The following SH3BP4 variants were observed in gnomAD, a reference collection of about 807,000 sequenced individuals.
The protein encoded by SH3BP4 is SH3 domain-binding protein 4.
SH3BP4 carries 33 observed loss-of-function variants against 65.5 expected under a neutral mutation model. The observed-to-expected ratio is 0.50, with a 90% CI of 0.38 to 0.67. The LOEUF is 0.67. Ranked by LOEUF, SH3BP4 falls within the 30% of genes least tolerant of loss-of-function variation. The pLI is 0.00. For synonymous variants in SH3BP4, 552 were observed against 545.5 expected (o/e 1.01, Z -0.17); for missense variants, 1,134 against 1,261.4 (o/e 0.90, Z 1.53).
At chr2:234,985,953 T>C (rs184710468) in intron 1 of SH3BP4, among the ~76,000 whole-genome samples, 115 of 135,698 alleles carry the variant, frequency 8.5e-4, no homozygotes, top group African/African-American at 3.2e-3. Context: ...GCCCTTGATA[T>C]ACATCTATGA....
Position 235,004,161 on chromosome 2 carries a change from C to G in SH3BP4, c.-133+8785C>G, listed in dbSNP as rs1694218040. On this transcript the variant is annotated intron_variant, in intron 2 of 5. Coordinates refer to ENST00000392011, the MANE Select transcript of SH3BP4 (RefSeq NM_014521.3). Reference sequence around the variant, plus strand: ...ATGCTTTAGTAGTTATTTCTCATAACAAAAATATGCTCTCAGTGTCACAGT... The same window carrying G: ...ATGCTTTAGTAGTTATTTCTCATAAGAAAAATATGCTCTCAGTGTCACAGT... Among the ~76,000 whole-genome samples, 3 of 152,142 alleles carry G rather than the reference C, an allele frequency of 2.0e-5. No individual in the cohort carries two copies. The South Asian group carries it at 6.2e-4, about 32-fold the overall frequency.
rs1696164961 is a variant in SH3BP4 at position 235,054,458 on chromosome 2, A to G, written c.*642A>G. 1 of 152,428 alleles carries G rather than the reference A, an allele frequency of 6.6e-6. No individual in the cohort carries two copies. The highest frequency in any genetic ancestry group is 2.1e-4 in the South Asian group (1 of 4,836). The allele number at this position is 152,428 out of a possible 1,614,324, so 9.4% of individuals were successfully genotyped here. On this transcript the variant is annotated 3_prime_UTR_variant, in exon 6 of 6. Coordinates refer to ENST00000392011, the MANE Select transcript of SH3BP4 (RefSeq NM_014521.3). ...GTCTTCCGTGCTTTGCCTCACTCGT[A>G]GTAAATGACCATCCATAGAATATGT...
At chr2:234,960,626 A>G (rs866612314) in intron 1 of SH3BP4, among the ~76,000 whole-genome samples, 8 of 152,326 alleles carry the variant, frequency 5.3e-5, no homozygotes, top group Middle Eastern at 6.8e-3. Flanking sequence ...ATTGGGGGAA[A>G]GCAGACGCAA....
intron 1 of SH3BP4, among the ~76,000 whole-genome samples, chr2:234,975,443 A>T (rs1693140623): frequency 6.6e-6 from 1 of 152,178 alleles, no homozygotes; most frequent in Admixed American, 6.5e-5. Context: ...CCATCGTCTA[A>T]TGTGGCTTTA....
At position 235,052,642 on chromosome 2, in the gene SH3BP4, G is replaced by A. The variant is rs1452109559; in HGVS notation, c.2559G>A (p.Val853=). 1 of 1,581,490 alleles carries A rather than the reference G, an allele frequency of 6.3e-7. No homozygotes were observed. Among genetic ancestry groups the A allele is most frequent in the Non-Finnish European group, 8.6e-7 (1 of 1,164,564 alleles). The change falls in exon 5 of 6, where the codon GTG becomes GTA. Residue 853 remains valine (V), a synonymous_variant. Transcript: ENST00000392011. The surrounding 1 kb of genome is among the most constrained non-coding windows in gnomAD (Gnocchi z 5.0). The part of the protein sequence containing the change: ...DFVLLTTAVE[V]AQRWRELAEK... ...TGCTCCTGACCACGGCTGTAGAGGTGGCCCAGCGCTGGCGGGAGCTGGCTG... is the reference window on the plus strand; with the variant it reads ...TGCTCCTGACCACGGCTGTAGAGGTAGCCCAGCGCTGGCGGGAGCTGGCTG...
chr2:234,995,444 G>C (rs1693883087), intron 2 of SH3BP4, 68 bp downstream of exon 2: 2 of 152,232 alleles, frequency 1.3e-5, no homozygotes. Flanking sequence ...TCATGACCAA[G>C]GTGCCGGACT....
At chr2:235,014,652 G>A (rs968407157) in intron 2 of SH3BP4, among the ~76,000 whole-genome samples, 3 of 152,090 alleles carry the variant, frequency 2.0e-5, no homozygotes, top group African/African-American at 7.2e-5. Context: ...CCACTCCTTG[G>A]CATCCCTTCT....
intron 1 of SH3BP4, among the ~76,000 whole-genome samples, chr2:234,971,621 G>A (rs890422302): frequency 2.6e-5 from 4 of 152,112 alleles, no homozygotes; most frequent in Non-Finnish European, 5.9e-5. Flanking sequence ...GTGTACAAGG[G>A]TTCCGGTTCC....
intron 1 of SH3BP4, among the ~76,000 whole-genome samples, chr2:234,953,709 TCCTCATTGCAGTG>T (rs1692526617): frequency 6.6e-6 from 1 of 152,136 alleles, no homozygotes; most frequent in African/African-American, 2.4e-5. Flanking sequence ...ATTCTACTGT[TCCTCATTGCAGTG>T]GTCATGCAGT....
chr2:234,987,513 A>T (rs1693601690), intron 1 of SH3BP4, among the ~76,000 whole-genome samples: 1 of 152,124 alleles, frequency 6.6e-6, no homozygotes, highest in Admixed American at 6.5e-5. Flanking sequence ...ACGTGAACCC[A>T]CATGTTTGAC....
At chr2:234,975,006 TC>T (rs1378372192) in intron 1 of SH3BP4, among the ~76,000 whole-genome samples, 2 of 151,838 alleles carry the variant, frequency 1.3e-5, no homozygotes, top group African/African-American at 4.8e-5. Context: ...CAGGCCAAGC[TC>T]GGGCGGCAGG....
chr2:234,959,120 G>T (rs1163094417), intron 1 of SH3BP4, among the ~76,000 whole-genome samples: 2 of 152,142 alleles, frequency 1.3e-5, no homozygotes, highest in Non-Finnish European at 2.9e-5. Context: ...CCTTTGTGGA[G>T]GGCTGGCTGG....
rs78736428 is a variant in SH3BP4 at position 234,963,045 on chromosome 2, C to T, written c.-207+10875C>T. 5.1e-4 allele frequency among the ~76,000 whole-genome samples: 78 copies of T among 152,266 alleles called. 2 individuals carry two copies. The East Asian group carries it at 0.012, about 23-fold the overall frequency. On this transcript the variant is annotated intron_variant, in intron 1 of 5. Coordinates refer to ENST00000392011, the MANE Select transcript of SH3BP4 (RefSeq NM_014521.3). ...GATTACAGGCGTGAGCCACCACGCC[C>T]GGCAATGCTATGCTTTTAAAAATAG... is the stretch of plus-strand genomic sequence containing the variant.
At chr2:235,000,347 G>T (rs768800632) in intron 2 of SH3BP4, among the ~76,000 whole-genome samples, 5 of 152,172 alleles carry the variant, frequency 3.3e-5, no homozygotes, top group Admixed American at 6.5e-5. Flanking sequence ...ACATGTTATT[G>T]ATGTGACTGG....
chr2:234,998,936 G>C (rs1386156813), intron 2 of SH3BP4, among the ~76,000 whole-genome samples: 1 of 152,146 alleles, frequency 6.6e-6, no homozygotes, highest in Non-Finnish European at 1.5e-5. Flanking sequence ...GCCAAGGCCT[G>C]ACCTCCCCGT....
chr2:235,028,785 T>C lies in SH3BP4; in HGVS notation c.-132-6086T>C, dbSNP rs1574832986. 2.0e-5 allele frequency among the ~76,000 whole-genome samples: 3 copies of C among 152,292 alleles called. No homozygotes were observed. In the East Asian group the frequency reaches 5.8e-4, roughly 29 times the overall value. The stretch of plus-strand genomic sequence containing the variant: ...CAAAGACCTGAATGAAGTGAGGGGA[T>C]GAGAGCATCTCGTGTCTAGGCTGGG... On this transcript the variant is annotated intron_variant, in intron 2 of 5. Transcript: ENST00000392011.
chr2:235,009,896 C>T lies in SH3BP4; in HGVS notation c.-133+14520C>T, dbSNP rs540607936. The stretch of plus-strand genomic sequence containing the variant: ...TGGTTTCCGCTCGCCACCTCCATGT[C>T]ACCCCCAGGACCTTCCTCTTGCTCC... On this transcript the variant is annotated intron_variant, in intron 2 of 5. Coordinates refer to ENST00000392011, the MANE Select transcript of SH3BP4 (RefSeq NM_014521.3). Among the ~76,000 whole-genome samples, 3 of 152,214 alleles carry T rather than the reference C, an allele frequency of 2.0e-5. No individual in the cohort carries two copies. The South Asian group carries it at 6.2e-4, about 32-fold the overall frequency.
chr2:234,989,671 G>A (rs979258322), intron 1 of SH3BP4, among the ~76,000 whole-genome samples: 2 of 152,302 alleles, frequency 1.3e-5, no homozygotes, highest in African/African-American at 4.8e-5. Flanking sequence ...AAACTGGTGG[G>A]GCTGGGCTCT....
intron 2 of SH3BP4, among the ~76,000 whole-genome samples, chr2:235,029,847 C>T (rs945137450): frequency 1.3e-5 from 2 of 152,164 alleles, no homozygotes; most frequent in Non-Finnish European, 2.9e-5. Context: ...ACAGTCCATG[C>T]ACTGATGGGT....
Sources: allele counts gnomAD v4.1 joint callset (sites outside exome capture counted in the v4.1 genomes callset), GRCh38; gene constraint gnomAD v4.1.1; non-coding constraint Gnocchi (gnomAD v3.1); transcripts MANE v1.5; gene names NCBI Gene and HGNC (gene_info 2026-07-23, HGNC 2026-07-21).